Variants in MYO3A observed in about 807,000 individuals in gnomAD.
The protein encoded by MYO3A is myosin-IIIa.
MYO3A carries 180 observed loss-of-function variants against 192.7 expected under a neutral mutation model. The ratio of observed to expected loss-of-function variants is 0.93; its 90% CI spans 0.83 to 1.06. MYO3A has a LOEUF of 1.06. MYO3A is among the 50% of genes least tolerant of loss of function. MYO3A has a pLI of 0.00. For missense variants in MYO3A, 1,896 were observed against 1,905.0 expected (o/e 1.00, Z 0.09); for synonymous variants, 628 against 645.3 (o/e 0.97, Z 0.41).
At chr10:26,154,560 T>C (rs1840990615) in intron 24 of MYO3A, among the ~76,000 whole-genome samples, 186 bp from the exon 25 acceptor site, 1 of 152,222 alleles carries the variant, frequency 6.6e-6, no homozygotes, top group Admixed American at 6.5e-5. Flanking sequence ...ACAGTCTACA[T>C]AAGACCAATT....
chr10:26,053,181 ATATT>A (rs1413045139), intron 10 of MYO3A, among the ~76,000 whole-genome samples: 1 of 142,200 alleles, frequency 7.0e-6, no homozygotes, highest in African/African-American at 2.7e-5. Flanking sequence ...ATCTTGAAAC[ATATT>A]TAATATATAT....
intron 4 of MYO3A, among the ~76,000 whole-genome samples, chr10:25,989,505 T>C (rs1588712935): frequency 1.3e-5 from 2 of 151,960 alleles, no homozygotes; most frequent in Admixed American, 1.3e-4. Context: ...CTGAAAGAAG[T>C]TTTCTCTGAA....
intron 31 of MYO3A, among the ~76,000 whole-genome samples, chr10:26,182,952 G>C (rs1279236975): frequency 1.5e-5 from 2 of 137,006 alleles, no homozygotes; most frequent in African/African-American, 5.2e-5. Context: ...TAAGCGAGAT[G>C]ACCAGGCAGG....
chr10:26,053,948 A>G (rs1439595927), intron 10 of MYO3A, among the ~76,000 whole-genome samples: 1 of 152,196 alleles, frequency 6.6e-6, no homozygotes, highest in Non-Finnish European at 1.5e-5. Context: ...AATCAAGAGA[A>G]GTACTTTAGG....
At chr10:26,055,256 C>T (rs1844245982) in intron 10 of MYO3A, among the ~76,000 whole-genome samples, 2 of 152,142 alleles carry the variant, frequency 1.3e-5, no homozygotes, top group Admixed American at 6.5e-5. Context: ...TTCATAAAGA[C>T]AGGCTCTTTA....
At chr10:25,953,156 A>G (rs1837313263) in intron 3 of MYO3A, among the ~76,000 whole-genome samples, 1 of 152,004 alleles carries the variant, frequency 6.6e-6, no homozygotes, top group African/African-American at 2.4e-5. Context: ...GATGAAAATG[A>G]TGTAATGTGT....
intron 23 of MYO3A, among the ~76,000 whole-genome samples, chr10:26,151,092 A>AATATTATCT (rs1361365160): frequency 6.6e-6 from 1 of 152,118 alleles, no homozygotes; most frequent in Non-Finnish European, 1.5e-5. Context: ...TAAGACCCAT[A>AATATTATCT]ATATTATCTG....
intron 23 of MYO3A, among the ~76,000 whole-genome samples, chr10:26,148,940 G>C (rs1840628704): frequency 6.6e-6 from 1 of 152,008 alleles, no homozygotes; most frequent in Non-Finnish European, 1.5e-5. Flanking sequence ...AGTTTTGCCT[G>C]TTCTTTTCCA....
At chr10:26,090,264 G>A (rs1226074365) in intron 15 of MYO3A, among the ~76,000 whole-genome samples, 1 of 152,220 alleles carries the variant, frequency 6.6e-6, no homozygotes, top group Non-Finnish European at 1.5e-5. Context: ...CAGGAACTCA[G>A]TTCATATAGA....
At chr10:26,201,611 G>A (rs1016818376) in intron 33 of MYO3A, among the ~76,000 whole-genome samples, 20 of 151,916 alleles carry the variant, frequency 1.3e-4, no homozygotes, top group Admixed American at 9.2e-4. Flanking sequence ...GCGTGAACCC[G>A]GGAGACGGAG....
intron 34 of MYO3A, chr10:26,204,616 T>G (rs1843825540): frequency 6.6e-6 from 1 of 152,238 alleles, no homozygotes; most frequent in South Asian, 2.1e-4. Context: ...GGAGGCTAAA[T>G]CTACAAAGTT....
At chr10:26,051,726 C>G (rs948318598) in intron 10 of MYO3A, among the ~76,000 whole-genome samples, 1 of 151,930 alleles carries the variant, frequency 6.6e-6, no homozygotes, top group South Asian at 2.1e-4. Context: ...ATTACAAGGT[C>G]AGCAGTTAAT....
chr10:25,944,474 G>C (rs770856686), intron 2 of MYO3A, among the ~76,000 whole-genome samples: 1 of 151,942 alleles, frequency 6.6e-6, no homozygotes, highest in African/African-American at 2.4e-5. Flanking sequence ...AAGGATTGTC[G>C]TTAATTATTC....
intron 17 of MYO3A, among the ~76,000 whole-genome samples, chr10:26,100,863 G>A (rs1837398824): frequency 6.6e-6 from 1 of 152,184 alleles, no homozygotes; most frequent in African/African-American, 2.4e-5. Context: ...TGAGAAGAAT[G>A]TATATTCTGT....
At chr10:26,098,304 G>A (rs186660992) in intron 17 of MYO3A, among the ~76,000 whole-genome samples, 1 of 152,166 alleles carries the variant, frequency 6.6e-6, no homozygotes, top group African/African-American at 2.4e-5. Flanking sequence ...TGTAGATTCT[G>A]GATATAAGCC....
intron 4 of MYO3A, among the ~76,000 whole-genome samples, chr10:25,972,136 T>C (rs1389061355): frequency 6.6e-6 from 1 of 152,244 alleles, no homozygotes; most frequent in Non-Finnish European, 1.5e-5. Context: ...CTTATATTTC[T>C]CTGAAACTGT....
chr10:26,179,062 T>C (rs1315531016), intron 31 of MYO3A, among the ~76,000 whole-genome samples: 1 of 144,980 alleles, frequency 6.9e-6, no homozygotes, highest in Non-Finnish European at 1.5e-5. Context: ...CCTCCCAAAG[T>C]GCTGGGATTA....
At chr10:26,113,487 A>C (rs1010125299) in intron 17 of MYO3A, among the ~76,000 whole-genome samples, 3 of 150,562 alleles carry the variant, frequency 2.0e-5, no homozygotes, top group East Asian at 3.9e-4. Context: ...AAAAAAAAAA[A>C]CAAAAAAAAA....
intron 18 of MYO3A, among the ~76,000 whole-genome samples, chr10:26,124,960 T>C (rs1839123950): frequency 6.6e-6 from 1 of 152,212 alleles, no homozygotes; most frequent in Non-Finnish European, 1.5e-5. Context: ...AATACATTTA[T>C]TGAGGTATAC....
Sources: allele counts gnomAD v4.1 joint callset (sites outside exome capture counted in the v4.1 genomes callset), GRCh38; gene constraint gnomAD v4.1.1; transcripts MANE v1.5; gene names NCBI Gene and HGNC (gene_info 2026-07-23, HGNC 2026-07-21).